ZNF566: variants seen among roughly 807,000 people sequenced by gnomAD.
ZNF566 encodes the protein zinc finger protein 566.
ZNF566 carries 27 observed loss-of-function variants against 32.8 expected under a neutral mutation model. The ratio of observed to expected loss-of-function variants is 0.82; its 90% confidence interval spans 0.61 to 1.14. ZNF566 has a LOEUF of 1.14. Among genes scored for constraint, ZNF566 ranks in the 50% most tolerant of loss-of-function variants. ZNF566 has a pLI of 0.00. For missense variants in ZNF566, 402 were observed against 490.4 expected, an observed-to-expected ratio of 0.82 and a Z score of 1.70; for synonymous variants, 154 against 159.5, an observed-to-expected ratio of 0.97 and a Z score of 0.26.
chr19:36,475,051 T>A (rs2033850532), intron 2 of ZNF566, among the ~76,000 whole-genome samples: 1 of 152,148 alleles, frequency 6.6e-6, no homozygotes, highest in South Asian at 2.1e-4. Context: ...CTGACATCAT[T>A]GCTTTTGTTT....
intron 4 of ZNF566, among the ~76,000 whole-genome samples, chr19:36,466,834 C>T (rs1209020789): frequency 1.3e-5 from 2 of 151,670 alleles, no homozygotes; most frequent in African/African-American, 4.8e-5. Flanking sequence ...AGCACTTTGC[C>T]GAGGCAGGTG....
At chr19:36,484,987 G>A (rs2034124402) in intron 1 of ZNF566, among the ~76,000 whole-genome samples, 2 of 152,064 alleles carry the variant, frequency 1.3e-5, no homozygotes, top group South Asian at 4.1e-4. Context: ...AAACAACACT[G>A]TTACCAAGTT....
chr19:36,477,319 T>C (rs2033913528), intron 1 of ZNF566, among the ~76,000 whole-genome samples: 2 of 152,110 alleles, frequency 1.3e-5, no homozygotes, highest in Non-Finnish European at 1.5e-5. Flanking sequence ...CATAACTTTA[T>C]TTATTTAACC....
At position 36,448,721 on chromosome 19, in the gene ZNF566, G is replaced by T; in HGVS notation, c.*256C>A. On this transcript the variant is annotated 3_prime_UTR_variant, in exon 5 of 5. Transcript: ENST00000452939. ...TTAAAAGTGCTGTCATTTTCAGTAT[G>T]ACAGACTGAATTATCTATCATATTG... The T allele has an allele frequency of 3.1e-6, 1 of 319,612 alleles. No homozygotes were observed. Among genetic ancestry groups the T allele is most frequent in the Non-Finnish European group, 5.7e-6 (1 of 176,542 alleles). The allele number at this position is 319,612 out of a possible 1,614,324, so 19.8% of individuals were successfully genotyped here. A position where few individuals can be genotyped will look rare whatever the true frequency, so the allele number is the denominator to read the frequency against.
At chr19:36,468,703 A>C (rs1483543532) in intron 4 of ZNF566, among the ~76,000 whole-genome samples, 7 of 151,748 alleles carry the variant, frequency 4.6e-5, no homozygotes, top group Non-Finnish European at 1.0e-4. Context: ...ACTTGAGCCC[A>C]GGAGTTCCAG....
chr19:36,470,178 C>G (rs1202845458), intron 4 of ZNF566, among the ~76,000 whole-genome samples: 1 of 152,156 alleles, frequency 6.6e-6, no homozygotes, highest in Non-Finnish European at 1.5e-5. Context: ...CTCTATATCT[C>G]TACATTGAAG....
intron 4 of ZNF566, among the ~76,000 whole-genome samples, chr19:36,468,129 G>A (rs1179104088): frequency 6.7e-6 from 1 of 148,884 alleles, no homozygotes; most frequent in Non-Finnish European, 1.5e-5. Context: ...AGGTTGCGGT[G>A]AGCCGAGATC....
At chr19:36,487,673 C>G (rs1022825697) in intron 1 of ZNF566, among the ~76,000 whole-genome samples, 1 of 151,940 alleles carries the variant, frequency 6.6e-6, no homozygotes, top group Admixed American at 6.6e-5. Context: ...TTTGGGAGGC[C>G]AAGGTGGGCG....
chr19:36,480,447 G>A (rs1272531654), intron 1 of ZNF566, among the ~76,000 whole-genome samples: 1 of 151,374 alleles, frequency 6.6e-6, no homozygotes, highest in African/African-American at 2.4e-5. Flanking sequence ...ACCACACCCG[G>A]CTAATTTTTG....
intron 1 of ZNF566, among the ~76,000 whole-genome samples, chr19:36,483,114 C>T (rs1422393679): frequency 6.6e-6 from 1 of 152,126 alleles, no homozygotes; most frequent in East Asian, 1.9e-4. Context: ...GTTTTCTGAA[C>T]GTATCTGTGA....
intron 4 of ZNF566, among the ~76,000 whole-genome samples, chr19:36,458,448 C>T (rs139020115): frequency 1.0e-3 from 152 of 152,114 alleles, no homozygotes; most frequent in African/African-American, 3.2e-3. Context: ...AACTCTAAAA[C>T]GTTGAACTCA....
At chr19:36,465,467 A>C (rs915025321) in intron 4 of ZNF566, among the ~76,000 whole-genome samples, 14 of 145,194 alleles carry the variant, frequency 9.6e-5, no homozygotes, top group African/African-American at 3.4e-4. Context: ...TATATATTCT[A>C]CTATGTTTAT....
chr19:36,483,414 T>C (rs887007097), intron 1 of ZNF566, among the ~76,000 whole-genome samples: 6 of 152,020 alleles, frequency 3.9e-5, no homozygotes, highest in African/African-American at 1.4e-4. Context: ...TAAAAGAAAT[T>C]AATGCTGCTT....
At chr19:36,453,363 C>T (rs1303837160) in intron 4 of ZNF566, among the ~76,000 whole-genome samples, 1 of 151,074 alleles carries the variant, frequency 6.6e-6, no homozygotes, top group East Asian at 2.0e-4. Context: ...CTCCCGGCTA[C>T]TCAGGAGGCT....
chr19:36,452,131 C>T (rs1349349149), intron 4 of ZNF566, among the ~76,000 whole-genome samples: 1 of 150,884 alleles, frequency 6.6e-6, no homozygotes, highest in Non-Finnish European at 1.5e-5. Context: ...GTCACTGACT[C>T]TTAGACAAGG....
At chr19:36,456,231 C>T (rs966773370) in intron 4 of ZNF566, among the ~76,000 whole-genome samples, 1 of 151,078 alleles carries the variant, frequency 6.6e-6, no homozygotes. Context: ...AACTATAAAA[C>T]ACTGATGAAA....
Position 36,450,650 on chromosome 19 carries a change from G to GATAAATAA in ZNF566, c.233-657_233-650dup, listed in dbSNP as rs3085977. Among the ~76,000 whole-genome samples, 492 of 151,840 alleles carry GATAAATAA rather than the reference G, an allele frequency of 3.2e-3. 3 individuals carry two copies. The highest frequency in any genetic ancestry group is 0.011 in the African/African-American group (462 of 41,336). On this transcript the variant is annotated intron_variant, in intron 4 of 4. Transcript: ENST00000452939. ...GAGTGAGTCACTGTCTCAATAGATAGATAAATAAATAAATAAATAAATAAA... is the reference window on the plus strand; with the variant it reads ...GAGTGAGTCACTGTCTCAATAGATAGATAAATAAATAAATAAATAAATAAATAAATAAA...
At chr19:36,483,225 A>C (rs1320027100) in intron 1 of ZNF566, among the ~76,000 whole-genome samples, 1 of 152,238 alleles carries the variant, frequency 6.6e-6, no homozygotes, top group East Asian at 1.9e-4. Flanking sequence ...AATAGAATTA[A>C]ACATATGAGT....
At chr19:36,452,578 A>G (rs932283651) in intron 4 of ZNF566, among the ~76,000 whole-genome samples, 1 of 150,386 alleles carries the variant, frequency 6.6e-6, no homozygotes, top group African/African-American at 2.5e-5. Context: ...ACATCATGCA[A>G]TCTTTCTCTG....
Sources: gnomAD v4.1 joint callset for allele counts (sites outside exome capture counted in the v4.1 genomes callset) on GRCh38, gnomAD v4.1.1 for gene constraint, MANE v1.5 for transcripts, NCBI Gene and HGNC (gene_info 2026-07-23, HGNC 2026-07-21) for gene names.